Variants in ABL1 observed in about 807,000 individuals in gnomAD.
ABL1 encodes tyrosine-protein kinase ABL1.
In ABL1, 11 loss-of-function variants were observed where a neutral mutation model predicts 94.7. The ratio of observed to expected loss-of-function variants is 0.12; its 90% CI spans 0.07 to 0.19. The LOEUF is 0.19. Ranked by LOEUF, ABL1 falls within the 10% of genes least tolerant of loss-of-function variation. The pLI, the probability that ABL1 is intolerant of heterozygous loss-of-function variation, is 1.00. For missense variants in ABL1, 1,082 were observed against 1,489.4 expected, an observed-to-expected ratio of 0.73 and a Z score of 4.50; for synonymous variants, 656 against 622.4, an observed-to-expected ratio of 1.05 and a Z score of -0.80.
chr9:130,740,405 A>C (rs1831801133), intron 1 of ABL1, among the ~76,000 whole-genome samples: 1 of 152,194 alleles, frequency 6.6e-6, no homozygotes, highest in Non-Finnish European at 1.5e-5. Flanking sequence ...CAGAGTTCTC[A>C]TGGGCAAAGA....
At chr9:130,869,035 C>T (rs1272352711) in intron 4 of ABL1, among the ~76,000 whole-genome samples, 1 of 151,962 alleles carries the variant, frequency 6.6e-6, no homozygotes, top group Non-Finnish European at 1.5e-5. Flanking sequence ...GGCGTGGTGG[C>T]AGGTGCCTGT....
At chr9:130,837,696 G>A (rs961414567) in intron 1 of ABL1, among the ~76,000 whole-genome samples, 1 of 152,146 alleles carries the variant, frequency 6.6e-6, no homozygotes, top group African/African-American at 2.4e-5. Context: ...TTATCATTTT[G>A]TAGTTGGTAG....
At chr9:130,865,261 C>T (rs893610204) in intron 4 of ABL1, among the ~76,000 whole-genome samples, 2 of 152,272 alleles carry the variant, frequency 1.3e-5, no homozygotes, top group East Asian at 1.9e-4. Flanking sequence ...GGCAGTCACC[C>T]GGAGTGGTAT....
chr9:130,847,670 A>G (rs1422260779), intron 1 of ABL1, among the ~76,000 whole-genome samples: 4 of 152,224 alleles, frequency 2.6e-5, no homozygotes, highest in Non-Finnish European at 4.4e-5. Flanking sequence ...AGAGGCATGC[A>G]TGAGCAATAC....
intron 10 of ABL1, among the ~76,000 whole-genome samples, chr9:130,881,568 A>C (rs181387506): frequency 4.1e-4 from 63 of 152,304 alleles, no homozygotes; most frequent in African/African-American, 1.5e-3. Context: ...TACCACGAGA[A>C]TGTGGGAGAA....
chr9:130,734,222 T>TC (rs1831704918), intron 1 of ABL1, among the ~76,000 whole-genome samples: 3 of 151,696 alleles, frequency 2.0e-5, no homozygotes, highest in Admixed American at 2.0e-4. Context: ...AATATTCTTT[T>TC]TTTTTTTTTG....
At chr9:130,730,046 C>CTTTT (rs138446676) in intron 1 of ABL1, among the ~76,000 whole-genome samples, 26,951 of 106,896 alleles carry the variant, frequency 0.25, 5,658 homozygotes, top group East Asian at 0.55. Context: ...CCCAGCCAGA[C>CTTTT]TTTTTTTTTT....
rs1337107301 is a variant in ABL1, at chr9:130,835,818, CCCAGCCCCGGCA to C, written c.79+304_79+315del. 2.5e-4 allele frequency among the ~76,000 whole-genome samples: 38 copies of C among 152,332 alleles called. No homozygotes were observed. The highest frequency in any genetic ancestry group is 6.5e-4 in the Admixed American group (10 of 15,314). On this transcript the variant is annotated intron_variant, in intron 1 of 10. Coordinates refer to ENST00000318560, the MANE Select transcript of ABL1 (RefSeq NM_005157.6). The surrounding 1 kb of genome is among the most constrained non-coding windows in gnomAD (Gnocchi z 4.6). ...TAGGCGCCGCCGGCGGAGCGTGGCC[CCCAGCCCCGGCA>C]CCAGCCCCGGTAGAGCCACGCCGGA...
At chr9:130,781,883 C>T (rs2855178) in intron 1 of ABL1, among the ~76,000 whole-genome samples, 57,931 of 151,650 alleles carry the variant, frequency 0.38, 11,301 homozygotes, top group Middle Eastern at 0.5. Context: ...GGCTTTCAAG[C>T]ATTGTGACCC....
intron 1 of ABL1, among the ~76,000 whole-genome samples, chr9:130,803,583 T>C (rs1830085095): frequency 6.6e-6 from 1 of 152,184 alleles, no homozygotes; most frequent in South Asian, 2.1e-4. Context: ...GCTGGAAAAT[T>C]CAGATAGTTA....
Position 130,835,665 on chromosome 9 carries a change from TCTTC to T in ABL1, c.79+141_79+144del, listed in dbSNP as rs1263710837. On this transcript the variant is annotated intron_variant, in intron 1 of 10. Transcript: ENST00000318560. The surrounding 1 kb of genome is among the most constrained non-coding windows in gnomAD (Gnocchi z 4.6). ...TCTTTTTTTTCTTTCTTCCCTCTTCTCTTCTCTTCTCTTCAGTTCTCTTATATTC... is the reference window on the plus strand; with the variant it reads ...TCTTTTTTTTCTTTCTTCCCTCTTCTTCTTCTCTTCAGTTCTCTTATATTC... 1.5e-3 allele frequency: 884 copies of T among 572,146 alleles called. 9 individuals carry two copies. Among genetic ancestry groups the T allele is most frequent in the African/African-American group, 0.015 (805 of 52,496 alleles). The allele number at this position is 572,146 out of a possible 1,614,324, so 35.4% of individuals were successfully genotyped here.
intron 1 of ABL1, among the ~76,000 whole-genome samples, chr9:130,751,474 T>C (rs995428377): frequency 1.3e-5 from 2 of 152,092 alleles, no homozygotes; most frequent in African/African-American, 4.8e-5. Flanking sequence ...AAGGGGTTTA[T>C]TATAGATATT....
chr9:130,754,506 T>TGAA (rs1212165227), intron 1 of ABL1, among the ~76,000 whole-genome samples: 1 of 45,620 alleles, frequency 2.2e-5, no homozygotes, highest in African/African-American at 2.4e-4. Flanking sequence ...AGACTCCGTC[T>TGAA]CAAAAAAAAA....
chr9:130,736,808 A>T (rs1171193248), intron 1 of ABL1, among the ~76,000 whole-genome samples: 2 of 152,180 alleles, frequency 1.3e-5, no homozygotes, highest in Non-Finnish European at 2.9e-5. Context: ...CGTTTTTAAC[A>T]TGTTTAGGGG....
At chr9:130,730,017 A>G (rs1186337821) in intron 1 of ABL1, among the ~76,000 whole-genome samples, 1 of 144,224 alleles carries the variant, frequency 6.9e-6, no homozygotes, top group Non-Finnish European at 1.5e-5. Context: ...TGCTGGGATT[A>G]CAGGCGTGAG....
intron 1 of ABL1, among the ~76,000 whole-genome samples, chr9:130,768,352 C>T (rs948155992): frequency 6.6e-6 from 1 of 152,178 alleles, no homozygotes; most frequent in African/African-American, 2.4e-5. Context: ...CAACTCAGAG[C>T]GTATGGAAGA....
intron 6 of ABL1, 45 bp downstream of exon 6, chr9:130,873,082 T>C (rs771907875): frequency 6.9e-6 from 11 of 1,584,688 alleles, no homozygotes; most frequent in Non-Finnish European, 7.7e-6. Context: ...TCACAGGGCG[T>C]GGAGCCGGGC....
At chr9:130,723,811 T>A (rs960564074) in intron 1 of ABL1, among the ~76,000 whole-genome samples, 2 of 152,118 alleles carry the variant, frequency 1.3e-5, no homozygotes, top group African/African-American at 4.8e-5. Flanking sequence ...TTTTTAACTT[T>A]TTTTTAACTT....
intron 4 of ABL1, among the ~76,000 whole-genome samples, chr9:130,869,974 G>A (rs928054755): frequency 6.6e-6 from 1 of 152,132 alleles, no homozygotes; most frequent in African/African-American, 2.4e-5. Flanking sequence ...ACAGGCATGC[G>A]CTACCACGCC....
Sources: gnomAD v4.1 joint callset for allele counts (sites outside exome capture counted in the v4.1 genomes callset) on GRCh38, gnomAD v4.1.1 for gene constraint, Gnocchi (gnomAD v3.1) non-coding constraint, MANE v1.5 for transcripts, NCBI Gene and HGNC (gene_info 2026-07-23, HGNC 2026-07-21) for gene names.